CDH23: variants seen among roughly 807,000 people sequenced by gnomAD.
CDH23 encodes the protein cadherin-23.
A neutral mutation model predicts 317.1 loss-of-function variants in CDH23; 189 were observed. The observed-to-expected ratio is 0.60, with a 90% confidence interval of 0.53 to 0.67. CDH23 has a LOEUF of 0.67. Among genes scored for constraint, CDH23 ranks in the 30% least tolerant of loss-of-function variants. The pLI, the probability that CDH23 is intolerant of heterozygous loss-of-function variation, is 0.00. For missense variants in CDH23, 4,401 were observed against 4,592.4 expected (o/e 0.96, Z 1.20); for synonymous variants, 1,839 against 1,876.8 (o/e 0.98, Z 0.52).
chr10:71,583,091 A>G (rs1269093894), intron 9 of CDH23, among the ~76,000 whole-genome samples: 10 of 152,170 alleles, frequency 6.6e-5, no homozygotes, highest in African/African-American at 1.4e-4. Flanking sequence ...AGAGATCACA[A>G]AAGCCAGGCA....
At chr10:71,754,155 T>G (rs1441317780) in intron 38 of CDH23, among the ~76,000 whole-genome samples, 1 of 152,096 alleles carries the variant, frequency 6.6e-6, no homozygotes, top group East Asian at 1.9e-4. Context: ...CCCCCTGCCC[T>G]GCTGCCCAGC....
chr10:71,476,174 C>A (rs1440268299), intron 3 of CDH23, among the ~76,000 whole-genome samples: 4 of 152,142 alleles, frequency 2.6e-5, no homozygotes, highest in Admixed American at 6.5e-5. Context: ...TTCCTTCCCC[C>A]TCCCAGGAAA....
Position 71,800,712 on chromosome 10 carries a change from A to G in CDH23, c.7439A>G (p.Asn2480Ser). Residue 2480 changes from asparagine (N) to serine (S), a missense_variant, in exon 53 of 70, where the codon AAC becomes AGC. Around this residue, in one of 3 missense-constraint regions of CDH23, gnomAD observed 189 missense variants for 250.9 expected, o/e 0.75. Transcript: ENST00000224721. ...HYILTALAKD[N>S]PGDVASNRRE... is the part of the protein sequence containing the mutation. ...ATCCTGACTGCCTTGGCCAAAGACAACCCTGGGGATGTAGCCAGCAACCGT... is the reference window on the plus strand; with the variant it reads ...ATCCTGACTGCCTTGGCCAAAGACAGCCCTGGGGATGTAGCCAGCAACCGT... 2 of 1,613,912 alleles carry G rather than the reference A, an allele frequency of 1.2e-6. No individual in the cohort carries two copies. Among genetic ancestry groups the G allele is most frequent in the South Asian group, 2.2e-5 (2 of 91,068 alleles).
chr10:71,684,435 C>A (rs80180932), intron 18 of CDH23, among the ~76,000 whole-genome samples: 2,051 of 152,116 alleles, frequency 0.013, 24 homozygotes, highest in Non-Finnish European at 0.023. Context: ...CCTGCTCCAC[C>A]CCCCCTGGAG....
At chr10:71,603,295 C>T (rs957415377) in intron 9 of CDH23, among the ~76,000 whole-genome samples, 2 of 152,250 alleles carry the variant, frequency 1.3e-5, no homozygotes, top group African/African-American at 4.8e-5. Flanking sequence ...CTCCCTCCCC[C>T]TCCTTCCCTG....
At chr10:71,772,584 G>T (rs905616775) in intron 38 of CDH23, among the ~76,000 whole-genome samples, 6 of 152,208 alleles carry the variant, frequency 3.9e-5, no homozygotes, top group African/African-American at 1.4e-4. Flanking sequence ...GGGGAAAATG[G>T]TGCTTCCCTG....
At chr10:71,719,465 G>A (rs1247827818) in intron 28 of CDH23, among the ~76,000 whole-genome samples, 3 of 152,248 alleles carry the variant, frequency 2.0e-5, no homozygotes, top group Middle Eastern at 3.4e-3. Flanking sequence ...GTGTGGCCTC[G>A]GGCTAGTCCC....
chr10:71,694,162 C>T lies in CDH23; in HGVS notation c.2192C>T (p.Thr731Met), dbSNP rs374560242. 1.4e-5 allele frequency: 23 copies of T among 1,613,698 alleles called. No individual in the cohort carries two copies. Among genetic ancestry groups the T allele is most frequent in the South Asian group, 6.6e-5 (6 of 91,072 alleles). ...TCTCTGGCAGGGGAAATCACCACCA[C>T]GTCTCTGCTTGACCGAGAGACCAAG... Reference protein sequence around the residue: ...INARSGEITTTSLLDRETKSE... With the variant: ...INARSGEITTMSLLDRETKSE... Residue 731 changes from threonine to methionine, a missense_variant, in exon 21 of 70, where the codon ACG becomes ATG. By Grantham distance (81) the Thr-to-Met change is moderately conservative. Around this residue, in one of 3 missense-constraint regions of CDH23, gnomAD observed 3,068 missense variants for 3,203.3 expected, o/e 0.96. Transcript: ENST00000224721.
At chr10:71,811,874 C>T (rs1841941491) in intron 65 of CDH23, 81 bp from the exon 66 acceptor site, 2 of 1,598,948 alleles carry the variant, frequency 1.3e-6, no homozygotes, top group Non-Finnish European at 1.7e-6. Flanking sequence ...TGCCCCGCAC[C>T]CCATCCTCCC....
intron 11 of CDH23, among the ~76,000 whole-genome samples, chr10:71,618,097 A>G (rs1329465062): frequency 6.6e-6 from 1 of 152,098 alleles, no homozygotes; most frequent in Non-Finnish European, 1.5e-5. Flanking sequence ...GCTCCTGTTC[A>G]AATAATGACC....
chr10:71,585,388 C>T (rs1260720203), intron 9 of CDH23, among the ~76,000 whole-genome samples: 2 of 152,166 alleles, frequency 1.3e-5, no homozygotes, highest in South Asian at 2.1e-4. Flanking sequence ...GATCCCAGCA[C>T]AAGGATGGGC....
chr10:71,721,525 A>G (rs1866554270), intron 28 of CDH23, among the ~76,000 whole-genome samples: 1 of 152,216 alleles, frequency 6.6e-6, no homozygotes, highest in Admixed American at 6.5e-5. Flanking sequence ...GGGCTAAAGT[A>G]CTTATCCATA....
chr10:71,615,490 T>G lies in CDH23; in HGVS notation c.833-14T>G. ...CTGTGCCTGGTCACACCTGAATGCTTCTCTCTCTTGCAGGGAATACCAACA... is the reference window on the plus strand; with the variant it reads ...CTGTGCCTGGTCACACCTGAATGCTGCTCTCTCTTGCAGGGAATACCAACA... On this transcript the variant is annotated splice_polypyrimidine_tract_variant and intron_variant, in intron 9 of 69. Coordinates refer to ENST00000224721, the MANE Select transcript of CDH23 (RefSeq NM_022124.6). 2 of 1,594,084 alleles carry G rather than the reference T, an allele frequency of 1.3e-6. No homozygotes were observed. The highest frequency in any genetic ancestry group is 1.7e-6 in the Non-Finnish European group (2 of 1,164,834).
At chr10:71,811,251 AGCAGACTGTC>A in intron 62 of CDH23, 54 bp from the exon 63 acceptor site, 1 of 1,612,232 alleles carries the variant, frequency 6.2e-7, no homozygotes, top group South Asian at 1.1e-5. Flanking sequence ...GCAGGAGCAG[AGCAGACTGTC>A]GGTGGTGGGG....
Position 71,738,560 on chromosome 10 carries a change from G to A in CDH23, c.4272G>A (p.Ser1424=), listed in dbSNP as rs375062178. 17 of 1,613,840 alleles carry A rather than the reference G, an allele frequency of 1.1e-5. No homozygotes were observed. Among genetic ancestry groups the A allele is most frequent in the Admixed American group, 6.7e-5 (4 of 60,012 alleles). ...NSPRFDFTSD[S]AVSIPEDCPV... is the part of the protein sequence containing the mutation. ...CCCGGTTTGACTTCACCTCCGACTC[G>A]GCGGTCAGCATACCCGAGGACTGCC... The change falls in exon 35 of 70, where the codon TCG becomes TCA. Residue 1424 remains serine (S), a synonymous_variant. Coordinates refer to ENST00000224721, the MANE Select transcript of CDH23 (RefSeq NM_022124.6).
intron 16 of CDH23, 58 bp from the exon 17 acceptor site, chr10:71,679,329 T>G: frequency 6.9e-5 from 55 of 796,276 alleles, no homozygotes; most frequent in Non-Finnish European, 1.0e-4. Flanking sequence ...CTGCCCACCC[T>G]CTTCTGGCCC....
At chr10:71,480,472 T>G (rs1422279142) in intron 3 of CDH23, among the ~76,000 whole-genome samples, 2 of 152,236 alleles carry the variant, frequency 1.3e-5, no homozygotes, top group African/African-American at 4.8e-5. Flanking sequence ...CAGGCTGCTC[T>G]GAAGGCCTGC....
At chr10:71,715,210 C>G (rs955110670) in intron 28 of CDH23, 3 of 152,462 alleles carry the variant, frequency 2.0e-5, no homozygotes, top group Non-Finnish European at 4.4e-5. Flanking sequence ...AGCACCCGCC[C>G]TGGCCTCTGA....
intron 11 of CDH23, chr10:71,617,752 G>A (rs1433071376): frequency 5.6e-6 from 1 of 177,590 alleles, no homozygotes; most frequent in Non-Finnish European, 1.1e-5. Context: ...TGTAATCCCA[G>A]CCCTTTGGGA....
Sources: allele counts gnomAD v4.1 joint callset (sites outside exome capture counted in the v4.1 genomes callset), GRCh38; gene constraint gnomAD v4.1.1; regional missense constraint gnomAD v4.1.1; transcripts MANE v1.5; gene names NCBI Gene and HGNC (gene_info 2026-07-23, HGNC 2026-07-21).